AXDND1: variants seen among roughly 807,000 people sequenced by gnomAD.
AXDND1 encodes the protein axonemal dynein light chain domain-containing protein 1.
AXDND1 carries 110 observed loss-of-function variants against 137.5 expected under a neutral mutation model. The observed-to-expected ratio is 0.80, with a 90% CI of 0.69 to 0.94. The LOEUF is 0.94. Among genes scored for constraint, AXDND1 ranks in the 40% least tolerant of loss-of-function variants. AXDND1 has a pLI of 0.00. For missense variants in AXDND1, 1,191 were observed against 1,169.8 expected (o/e 1.02, Z -0.26); for synonymous variants, 414 against 399.7 (o/e 1.04, Z -0.43).
intron 20 of AXDND1, among the ~76,000 whole-genome samples, chr1:179,496,690 C>T (rs1286159599): frequency 2.0e-5 from 3 of 151,954 alleles, no homozygotes; most frequent in South Asian, 2.1e-4. Context: ...CTGTTTTCTA[C>T]GTCCTTAATT....
At chr1:179,419,052 A>G (rs1285205445) in intron 12 of AXDND1, among the ~76,000 whole-genome samples, 3 of 150,298 alleles carry the variant, frequency 2.0e-5, no homozygotes, top group Non-Finnish European at 4.4e-5. Context: ...CACTTCCTAG[A>G]TGGGATGGCG....
At chr1:179,532,080 CCCA>C (rs1671088514) in intron 23 of AXDND1, among the ~76,000 whole-genome samples, 2 of 152,106 alleles carry the variant, frequency 1.3e-5, no homozygotes, top group South Asian at 4.1e-4. Context: ...TGCTAGCAGC[CCCA>C]CAACCAGCAT....
At chr1:179,370,131 T>G in intron 4 of AXDND1, 53 bp downstream of exon 4, 1 of 1,369,764 alleles carries the variant, frequency 7.3e-7, no homozygotes, top group Non-Finnish European at 1.0e-6. Context: ...TGTTTTCTCA[T>G]TTTGAATGAT....
chr1:179,553,937 G>A (rs7546703), intron 25 of AXDND1, among the ~76,000 whole-genome samples: 24,069 of 140,020 alleles, frequency 0.17, 2,306 homozygotes, highest in Middle Eastern at 0.27. Flanking sequence ...TTTTGAGATC[G>A]AGTCTCGCTC....
intron 16 of AXDND1, among the ~76,000 whole-genome samples, chr1:179,467,943 A>AGGATCCACACTC (rs1416621213): frequency 6.6e-6 from 1 of 152,112 alleles, no homozygotes; most frequent in African/African-American, 2.4e-5. Context: ...GACCCACATT[A>AGGATCCACACTC]GGATCCACAC....
intron 25 of AXDND1, among the ~76,000 whole-genome samples, chr1:179,549,288 TC>T (rs1405399149): frequency 6.6e-6 from 1 of 152,198 alleles, no homozygotes; most frequent in Non-Finnish European, 1.5e-5. Flanking sequence ...CTATACTCTT[TC>T]ACCTAAACAC....
At chr1:179,480,360 C>T (rs894456095) in intron 17 of AXDND1, among the ~76,000 whole-genome samples, 1 of 152,158 alleles carries the variant, frequency 6.6e-6, no homozygotes, top group Non-Finnish European at 1.5e-5. Context: ...GAAAGGGGTT[C>T]CCCTTATAAA....
At chr1:179,412,361 C>T (rs1654030309) in intron 12 of AXDND1, among the ~76,000 whole-genome samples, 1 of 152,106 alleles carries the variant, frequency 6.6e-6, no homozygotes, top group South Asian at 2.1e-4. Context: ...AAAATGAGTT[C>T]AGTTAAATTG....
chr1:179,489,142 ATCTTAAAATGTCTTTTAAG>A (rs1666550848), intron 18 of AXDND1, among the ~76,000 whole-genome samples: 2 of 152,098 alleles, frequency 1.3e-5, no homozygotes, highest in Non-Finnish European at 2.9e-5. Flanking sequence ...CAGTCAATTC[ATCTTAAAATGTCTTTTAAG>A]AATTTTATAT....
chr1:179,554,313 G>A (rs999533938), intron 25 of AXDND1, among the ~76,000 whole-genome samples, 199 bp from the exon 26 acceptor site: 3 of 152,184 alleles, frequency 2.0e-5, no homozygotes, highest in Non-Finnish European at 2.9e-5. Context: ...TAGTGATTGT[G>A]TTATGGCTGT....
chr1:179,522,456 G>A lies in AXDND1; in HGVS notation c.2497-2878G>A, dbSNP rs141738453. Among the ~76,000 whole-genome samples, 12 of 152,176 alleles carry A rather than the reference G, an allele frequency of 7.9e-5. No individual in the cohort carries two copies. The East Asian group carries it at 2.1e-3, about 27-fold the overall frequency. Reference sequence around the variant, plus strand: ...ATATATGATGTATCTGTATAAGAATGTTTATTACAGCATAGTATAATAGCA... The same window carrying A: ...ATATATGATGTATCTGTATAAGAATATTTATTACAGCATAGTATAATAGCA... On this transcript the variant is annotated intron_variant, in intron 21 of 25. Coordinates refer to ENST00000367618, the MANE Select transcript of AXDND1 (RefSeq NM_144696.6).
intron 12 of AXDND1, among the ~76,000 whole-genome samples, chr1:179,417,795 T>G (rs1262356281): frequency 6.6e-6 from 1 of 152,080 alleles, no homozygotes; most frequent in African/African-American, 2.4e-5. Flanking sequence ...TCTGCAAATT[T>G]CTTTGGGTAG....
chr1:179,546,686 T>C (rs543179346), intron 25 of AXDND1, among the ~76,000 whole-genome samples: 1 of 152,210 alleles, frequency 6.6e-6, no homozygotes, highest in East Asian at 1.9e-4. Flanking sequence ...CAGCCCCCAA[T>C]CTCAGTGGCG....
At chr1:179,411,639 G>A (rs972179658) in intron 12 of AXDND1, among the ~76,000 whole-genome samples, 6 of 150,438 alleles carry the variant, frequency 4.0e-5, no homozygotes, top group African/African-American at 1.2e-4. Context: ...TCTTGCATTT[G>A]TTGGGCACAT....
chr1:179,467,502 A>G (rs1363671612), intron 16 of AXDND1, among the ~76,000 whole-genome samples: 2 of 152,184 alleles, frequency 1.3e-5, no homozygotes, highest in African/African-American at 4.8e-5. Context: ...TAATCTAGAG[A>G]TGATTTAATG....
chr1:179,379,250 C>T, intron 5 of AXDND1, 147 bp from the exon 6 acceptor site: 1 of 747,624 alleles, frequency 1.3e-6, no homozygotes, highest in South Asian at 1.8e-5. Flanking sequence ...TGCTATGACC[C>T]ACATTGCTAA....
chr1:179,533,011 A>C (rs1419947165), intron 23 of AXDND1: 1 of 152,138 alleles, frequency 6.6e-6, no homozygotes, highest in African/African-American at 2.4e-5. Flanking sequence ...ATTGAGGATG[A>C]GAGGCTTAGA....
At chr1:179,405,294 G>A (rs992633038) in intron 11 of AXDND1, among the ~76,000 whole-genome samples, 4 of 152,128 alleles carry the variant, frequency 2.6e-5, no homozygotes, top group African/African-American at 9.7e-5. Context: ...GTGTATATGT[G>A]CCACATTTTC....
At chr1:179,445,801 CAT>C (rs1169562599) in intron 16 of AXDND1, among the ~76,000 whole-genome samples, 1 of 152,262 alleles carries the variant, frequency 6.6e-6, no homozygotes, top group Middle Eastern at 3.4e-3. Context: ...ATATTGCTGA[CAT>C]AGACATTTAT....
Sources: gnomAD v4.1 joint callset for allele counts (sites outside exome capture counted in the v4.1 genomes callset) on GRCh38, gnomAD v4.1.1 for gene constraint, MANE v1.5 for transcripts, NCBI Gene and HGNC (gene_info 2026-07-23, HGNC 2026-07-21) for gene names.